FN1: variants seen among roughly 807,000 people sequenced by gnomAD.
FN1 encodes the protein fibronectin.
Under a neutral mutation model 297.3 loss-of-function variants are expected in FN1, and 106 were observed. The observed-to-expected ratio is 0.36, with a 90% confidence interval of 0.30 to 0.42. The LOEUF is 0.42. Among genes scored for constraint, FN1 ranks in the 10% least tolerant of loss-of-function variants. FN1 has a pLI of 1.00. For synonymous variants in FN1, 1,149 were observed against 1,152.6 expected (o/e 1.00, Z 0.06); for missense variants, 2,690 against 3,124.9 (o/e 0.86, Z 3.32).
At position 215,433,400 on chromosome 2, in the gene FN1, C is replaced by T. The variant is rs755587161; in HGVS notation, c.339G>A (p.Glu113=). Residue 113 remains glutamate (E), a synonymous_variant, in exon 3 of 46, where the codon GAG becomes GAA. Coordinates refer to ENST00000354785, the MANE Select transcript of FN1 (RefSeq NM_212482.4). ...GNTYRVGDTY[E]RPKDSMIWDC... The stretch of plus-strand genomic sequence containing the variant: ...CCCAGATCATGGAGTCTTTAGGACG[C>T]TCATAAGTGTCACCCACTCGGTAAG... 18 of 1,614,066 alleles carry T rather than the reference C, an allele frequency of 1.1e-5. No individual in the cohort carries two copies. Among genetic ancestry groups the T allele is most frequent in the Admixed American group, 1.7e-5 (1 of 60,010 alleles).
intron 12 of FN1, among the ~76,000 whole-genome samples, chr2:215,416,051 G>T (rs1281966525): frequency 6.6e-6 from 1 of 151,958 alleles, no homozygotes; most frequent in Non-Finnish European, 1.5e-5. Context: ...TTTTCTGAAA[G>T]CTTCTAGGAA....
At chr2:215,380,411 G>A (rs760712169) in intron 33 of FN1, 5 of 234,010 alleles carry the variant, frequency 2.1e-5, no homozygotes, top group East Asian at 1.1e-4. Flanking sequence ...TCTTACCCAC[G>A]TGTGCTCAGA....
Position 215,365,637 on chromosome 2 carries a change from G to A in FN1, c.7019-7C>T, listed in dbSNP as rs778923755. On this transcript the variant is annotated splice_region_variant and splice_polypyrimidine_tract_variant and intron_variant, in intron 42 of 45. Coordinates refer to ENST00000354785, the MANE Select transcript of FN1 (RefSeq NM_212482.4). ...CCATTGTCATGGCACCATCCTGTAG[G>A]GGTGGGGAAAGTCAGGACCAAAAAG... The A allele has an allele frequency of 4.3e-6, 7 of 1,613,874 alleles. No individual in the cohort carries two copies. In the Admixed American group the frequency reaches 1.2e-4, roughly 27 times the overall value.
At chr2:215,389,971 C>A (rs57761177) in intron 26 of FN1, among the ~76,000 whole-genome samples, 5,702 of 152,228 alleles carry the variant, frequency 0.037, 361 homozygotes, top group African/African-American at 0.13. Flanking sequence ...CTAAAAGATA[C>A]AGAGAGTGAG....
Position 215,420,704 on chromosome 2 carries a change from C to A in FN1, c.1644G>T (p.Gln548His). The A allele has an allele frequency of 6.2e-7, 1 of 1,614,160 alleles. No homozygotes were observed. The highest frequency in any genetic ancestry group is 8.5e-7 in the Non-Finnish European group (1 of 1,180,022). ...GHMLNCTCFG[Q>H]GRGRWKCDPV... The stretch of plus-strand genomic sequence containing the variant: ...GATCACACTTCCACCTGCCCCGACC[C>A]TGACCGAAGCATGTACAGTTCAGCA... The change falls in exon 11 of 46, where the codon CAG (glutamine) becomes CAT (histidine). Residue 548 changes from glutamine to histidine, a missense_variant. Coordinates refer to ENST00000354785, the MANE Select transcript of FN1 (RefSeq NM_212482.4).
Position 215,380,793 on chromosome 2 carries a change from G to T in FN1, c.5434+18C>A, listed in dbSNP as rs781184480. 19 of 1,612,232 alleles carry T rather than the reference G, an allele frequency of 1.2e-5. No individual in the cohort carries two copies. The Admixed American group carries it at 2.5e-4, about 21-fold the overall frequency. ...CCGCTGCTCCCATGGGCACCTGGTG[G>T]TGCAATTAACCATATACCTGTGGAC... On this transcript the variant is annotated intron_variant, in intron 33 of 45. Coordinates refer to ENST00000354785, the MANE Select transcript of FN1 (RefSeq NM_212482.4).
intron 40 of FN1, among the ~76,000 whole-genome samples, chr2:215,371,129 G>A (rs921593486): frequency 6.6e-6 from 1 of 152,050 alleles, no homozygotes; most frequent in Non-Finnish European, 1.5e-5. Context: ...TTAGCTGGGT[G>A]CGGTGGCACA....
Position 215,404,415 on chromosome 2 carries a change from G to C in FN1, c.3227C>G (p.Pro1076Arg), listed in dbSNP as rs2061512360. 3 of 1,613,814 alleles carry C rather than the reference G, an allele frequency of 1.9e-6. No individual in the cohort carries two copies. In the African/African-American group the frequency reaches 4.0e-5, roughly 22 times the overall value. Residue 1076 changes from proline (P) to arginine (R), a missense_variant, in exon 20 of 46, where the codon CCC (proline) becomes CGC (arginine). Physicochemically the swap from Pro to Arg is moderately radical, Grantham distance 103. Transcript: ENST00000354785. ...LVAIKGNQESPKATGVFTTLQ... is the reference protein window; with the variant it reads ...LVAIKGNQESRKATGVFTTLQ... The stretch of plus-strand genomic sequence containing the variant: ...TGTGGTAAAGACTCCAGTGGCTTTG[G>C]GGCTCTCTTGGTTGCCCTTTATGGC...
chr2:215,426,440 G>A (rs888384811), intron 6 of FN1, among the ~76,000 whole-genome samples: 3 of 152,018 alleles, frequency 2.0e-5, no homozygotes, highest in African/African-American at 4.8e-5. Context: ...GAGCCACCGC[G>A]CCCGGCCGAT....
At position 215,434,763 on chromosome 2, in the gene FN1, TAG is replaced by T; in HGVS notation, c.208_209del (p.Leu70ArgfsTer16). The T allele has an allele frequency of 6.2e-7, 1 of 1,614,078 alleles. No individual in the cohort carries two copies. The highest frequency in any genetic ancestry group is 1.1e-5 in the South Asian group (1 of 91,082). ...QINQQWERTY[L>X]GNALVCTCYG... ...AACAAGTACAAACCAACGCATTGCCTAGGTAGGTCCGCTCCCACTGTTGATTT... is the reference window on the plus strand; with the variant it reads ...AACAAGTACAAACCAACGCATTGCCTGTAGGTCCGCTCCCACTGTTGATTT... On this transcript the variant is annotated frameshift_variant, in exon 2 of 46. Transcript: ENST00000354785. LOFTEE classifies it high-confidence loss of function.
intron 42 of FN1, among the ~76,000 whole-genome samples, chr2:215,366,973 C>T (rs1219384254): frequency 6.6e-6 from 1 of 152,172 alleles, no homozygotes; most frequent in African/African-American, 2.4e-5. Flanking sequence ...CACTGGCTGG[C>T]TTTTACAACT....
intron 1 of FN1, 56 bp from the exon 2 acceptor site, chr2:215,434,880 T>C (rs1223801725): frequency 1.3e-6 from 2 of 1,587,346 alleles, no homozygotes; most frequent in Non-Finnish European, 1.7e-6. Context: ...CCCAAAATTA[T>C]GGAATTTTCT....
intron 6 of FN1, 48 bp from the exon 7 acceptor site, chr2:215,425,333 A>G: frequency 6.4e-7 from 1 of 1,552,734 alleles, no homozygotes; most frequent in Middle Eastern, 2.1e-4. Context: ...AGAGAAGACA[A>G]TTCACTACTT....
intron 29 of FN1, chr2:215,384,596 GATA>G (rs1297780815): frequency 1.4e-5 from 6 of 430,508 alleles, no homozygotes; most frequent in African/African-American, 7.9e-5. Context: ...TTCCACCACT[GATA>G]ATATGTTTGT....
At position 215,399,339 on chromosome 2, in the gene FN1, C is replaced by T; in HGVS notation, c.3266G>A (p.Ser1089Asn). The change falls in exon 21 of 46, where the codon AGC becomes AAC. Residue 1089 changes from serine to asparagine, a missense_variant. Physicochemically the swap from Ser to Asn is conservative, Grantham distance 46 (BLOSUM62 1). Coordinates refer to ENST00000354785, the MANE Select transcript of FN1 (RefSeq NM_212482.4). ...CTCGGTGTTGTAAGGTGGAATAGAG[C>T]TCCCAGGCTGCACTGTGAGAGAGAA... ...TGVFTTLQPGSSIPPYNTEVT... is the reference protein window; with the variant it reads ...TGVFTTLQPGNSIPPYNTEVT... The T allele has an allele frequency of 6.2e-7, 1 of 1,612,610 alleles. No homozygotes were observed.
chr2:215,383,537 T>C (rs1267093136), intron 30 of FN1, 54 bp from the exon 31 acceptor site: 11 of 1,575,504 alleles, frequency 7.0e-6, no homozygotes, highest in Non-Finnish European at 9.6e-6. Flanking sequence ...GGAGACAAGA[T>C]TGGACAAGTC....
chr2:215,395,547 A>C (rs866119653), intron 23 of FN1, among the ~76,000 whole-genome samples: 77 of 152,116 alleles, frequency 5.1e-4, no homozygotes, highest in Middle Eastern at 6.8e-3. Flanking sequence ...CTCAAAAAAA[A>C]AAAACAAAAC....
Position 215,410,220 on chromosome 2 carries a change from A to G in FN1, c.1942-106T>C, listed in dbSNP as rs560580226. ...TTCAAAGAAAAATGACTTAAGCAGGACTTAGGCAGCTCCATTCTAGAGGAA... is the reference window on the plus strand; with the variant it reads ...TTCAAAGAAAAATGACTTAAGCAGGGCTTAGGCAGCTCCATTCTAGAGGAA... On this transcript the variant is annotated intron_variant, in intron 13 of 45. Transcript: ENST00000354785. 132 of 1,153,776 alleles carry G rather than the reference A, an allele frequency of 1.1e-4. No individual in the cohort carries two copies. The South Asian group carries it at 1.7e-3, about 15-fold the overall frequency. The allele number at this position is 1,153,776 out of a possible 1,614,324, so 71.5% of individuals were successfully genotyped here. A position where few individuals can be genotyped will look rare whatever the true frequency, so the allele number is the denominator to read the frequency against.
In FN1 at chr2:215,372,628, C is replaced by T. The variant is rs962298227; in HGVS notation, c.6248-253G>A. 9.3e-6 allele frequency: 5 copies of T among 538,940 alleles called. No individual in the cohort carries two copies. In the South Asian group the frequency reaches 1.0e-4, roughly 11 times the overall value. 33.4% of individuals were successfully genotyped at this position (538,940 alleles called of 1,614,324 possible). A position where few individuals can be genotyped will look rare whatever the true frequency, so the allele number is the denominator to read the frequency against. On this transcript the variant is annotated intron_variant, in intron 39 of 45. Coordinates refer to ENST00000354785, the MANE Select transcript of FN1 (RefSeq NM_212482.4). ...TTATCATACACACAGCTTTAAACCG[C>T]TGAGCCCCGTAGAAGCTGCCTCTGC...
Sources: gnomAD v4.1 joint callset for allele counts (sites outside exome capture counted in the v4.1 genomes callset) on GRCh38, gnomAD v4.1.1 for gene constraint, MANE v1.5 for transcripts, NCBI Gene and HGNC (gene_info 2026-07-23, HGNC 2026-07-21) for gene names.